Variants in CYRIB observed in about 807,000 individuals in gnomAD.
CYRIB encodes CYFIP related Rac1 interactor B, also known as CYFIP-related Rac1 interactor B.
Under a neutral mutation model 44.2 loss-of-function variants are expected in CYRIB, and 8 were observed. The ratio of observed to expected loss-of-function variants is 0.18; its 90% CI spans 0.11 to 0.33. The LOEUF (loss-of-function observed/expected upper bound fraction) is 0.33. CYRIB is among the 10% of genes least tolerant of loss of function. The probability of loss-of-function intolerance (pLI) is 1.00; values close to 1 mark genes in which losing one functional copy is unlikely to be tolerated. For missense variants in CYRIB, 185 were observed against 382.8 expected, an observed-to-expected ratio of 0.48 and a Z score of 4.31; for synonymous variants, 131 against 127.2, an observed-to-expected ratio of 1.03 and a Z score of -0.20.
chr8:130,013,397 C>T (rs868800942), intron 1 of CYRIB, among the ~76,000 whole-genome samples: 1 of 152,158 alleles, frequency 6.6e-6, no homozygotes, highest in South Asian at 2.1e-4. Context: ...GGGAGACCAA[C>T]GGGGATTCTT....
chr8:129,981,428 G>T (rs538330382), intron 1 of CYRIB, among the ~76,000 whole-genome samples: 28 of 152,328 alleles, frequency 1.8e-4, no homozygotes, highest in Middle Eastern at 6.8e-3. Context: ...TGTGATTACA[G>T]GTGTGAGCCA....
chr8:130,013,777 A>AACC (rs2134635520), intron 1 of CYRIB, among the ~76,000 whole-genome samples: 1 of 152,302 alleles, frequency 6.6e-6, no homozygotes, highest in Non-Finnish European at 1.5e-5. Context: ...CATAGGGAGG[A>AACC]ACCACGGGAC....
chr8:129,858,453 T>C (rs933435737), intron 5 of CYRIB, among the ~76,000 whole-genome samples: 2 of 152,050 alleles, frequency 1.3e-5, no homozygotes, highest in African/African-American at 4.8e-5. Context: ...GACAAATCAG[T>C]CCACAAGCTA....
chr8:129,924,480 A>G (rs140420937), intron 1 of CYRIB, among the ~76,000 whole-genome samples: 15 of 152,226 alleles, frequency 9.9e-5, no homozygotes, highest in Admixed American at 5.2e-4. Context: ...TAATTTTTTT[A>G]TTAGAAAAAC....
chr8:129,952,232 A>G (rs2094541886), intron 2 of CYRIB, among the ~76,000 whole-genome samples: 1 of 151,918 alleles, frequency 6.6e-6, no homozygotes, highest in African/African-American at 2.4e-5. Flanking sequence ...TTTAGTAGAG[A>G]TGGGGTTTAG....
At chr8:129,890,960 A>G (rs2065130476) in intron 2 of CYRIB, among the ~76,000 whole-genome samples, 1 of 152,188 alleles carries the variant, frequency 6.6e-6, no homozygotes, top group African/African-American at 2.4e-5. Context: ...GAAAGCAAGC[A>G]ATGTCACCAA....
In CYRIB at chr8:129,894,660, A is replaced by C. The variant is rs905542804; in HGVS notation, c.-11+8652T>G. 3.9e-5 allele frequency: 6 copies of C among 152,150 alleles called. 1 individual carries two copies. Among genetic ancestry groups the C allele is most frequent in the Admixed American group, 3.9e-4 (6 of 15,278 alleles). The allele number at this position is 152,150 out of a possible 1,614,324, so 9.4% of individuals were successfully genotyped here. ...AGTGTGAATAGTATCCAATACCCTA[A>C]TTAGGGACAGGTGCAGCCTGTAGGT... On this transcript the variant is annotated intron_variant, in intron 2 of 11. Transcript: ENST00000519824.
At chr8:129,956,220 A>G (rs2094822335) in intron 2 of CYRIB, among the ~76,000 whole-genome samples, 2 of 152,278 alleles carry the variant, frequency 1.3e-5, no homozygotes, top group Non-Finnish European at 2.9e-5. Flanking sequence ...GCCAGTAAAT[A>G]ATAATGATGG....
Position 130,004,210 on chromosome 8 carries a change from T to C in CYRIB, c.-296+12160A>G, listed in dbSNP as rs150690348. On this transcript the variant is annotated intron_variant, in intron 1 of 14. Transcript: ENST00000401979. ...CTGGGTATCAAGACAACTTAGCACA[T>C]TCCGAAGATGCCCTCAGTGCATCAA... Among the ~76,000 whole-genome samples the C allele has an allele frequency of 5.6e-3, 846 of 152,250 alleles. 5 individuals are homozygous for C. The highest frequency in any genetic ancestry group is 0.01 in the Admixed American group (160 of 15,286).
At chr8:129,960,861 A>C (rs951258267) in intron 2 of CYRIB, among the ~76,000 whole-genome samples, 1 of 143,424 alleles carries the variant, frequency 7.0e-6, no homozygotes, top group Non-Finnish European at 1.5e-5. Context: ...GAAGCAGGAG[A>C]ATTGCTTGAA....
intron 5 of CYRIB, among the ~76,000 whole-genome samples, chr8:129,856,899 C>T (rs1007405495): frequency 2.6e-5 from 4 of 152,166 alleles, no homozygotes; most frequent in East Asian, 1.9e-4. Context: ...CAACATTGTA[C>T]GTAGCCTCTG....
rs1038847506 is a variant in CYRIB, at chr8:129,998,216, C to G, written c.-296+18154G>C. Among the ~76,000 whole-genome samples, 13 of 152,172 alleles carry G rather than the reference C, an allele frequency of 8.5e-5. No individual in the cohort carries two copies. In the East Asian group the frequency reaches 2.1e-3, roughly 25 times the overall value. The stretch of plus-strand genomic sequence containing the variant: ...CATCGCAGGACCTCAGTGTCCACAT[C>G]TGGCCACTGCACCAGATACTGGCTA... On this transcript the variant is annotated intron_variant, in intron 1 of 14. Transcript: ENST00000401979.
At chr8:129,886,985 A>G (rs1295006066) in intron 2 of CYRIB, among the ~76,000 whole-genome samples, 5 of 151,748 alleles carry the variant, frequency 3.3e-5, no homozygotes, top group African/African-American at 4.9e-5. Flanking sequence ...TCACTAACAC[A>G]CTCAAAATAA....
chr8:129,852,900 G>T (rs996281379), intron 7 of CYRIB, among the ~76,000 whole-genome samples: 1 of 152,148 alleles, frequency 6.6e-6, no homozygotes, highest in Non-Finnish European at 1.5e-5. Flanking sequence ...TGTGGAATGG[G>T]GAGCCATTCA....
At chr8:129,894,000 A>T (rs2066681428) in intron 2 of CYRIB, among the ~76,000 whole-genome samples, 1 of 152,232 alleles carries the variant, frequency 6.6e-6, no homozygotes, top group African/African-American at 2.4e-5. Flanking sequence ...AATAGTTTTT[A>T]AAAATTATTA....
rs149888669 is a variant in CYRIB at position 129,854,623 on chromosome 8, A to G, written c.439-280T>C. On this transcript the variant is annotated intron_variant, in intron 6 of 11. Transcript: ENST00000519824. ...GTTTATCAAATAAACAAAAACAAAAAGGACTGTTTAGGCACTTGTTTTTAG... is the reference window on the plus strand; with the variant it reads ...GTTTATCAAATAAACAAAAACAAAAGGGACTGTTTAGGCACTTGTTTTTAG... Among the ~76,000 whole-genome samples the G allele has an allele frequency of 9.0e-3, 1,377 of 152,326 alleles. 18 individuals carry two copies. The highest frequency in any genetic ancestry group is 0.031 in the African/African-American group (1,305 of 41,574).
At chr8:129,907,303 T>C (rs2075905211) in intron 1 of CYRIB, among the ~76,000 whole-genome samples, 1 of 152,118 alleles carries the variant, frequency 6.6e-6, no homozygotes, top group Non-Finnish European at 1.5e-5. Flanking sequence ...TGTAGGGACA[T>C]GGATGAAGCT....
upstream of CYRIB, chr8:130,016,532 C>T (rs2097352624): frequency 6.3e-6 from 1 of 157,902 alleles, no homozygotes; most frequent in Non-Finnish European, 1.4e-5. Context: ...GCAGCAGCAG[C>T]CCGGGCGAGT....
chr8:129,849,507 T>C (rs995109438), intron 9 of CYRIB, 138 bp from the exon 12 acceptor site: 31 of 726,310 alleles, frequency 4.3e-5, no homozygotes, highest in Non-Finnish European at 6.3e-5. Flanking sequence ...TGTTCACAAG[T>C]AGCCACACTG....
Sources: gnomAD v4.1 joint callset for allele counts (sites outside exome capture counted in the v4.1 genomes callset) on GRCh38, gnomAD v4.1.1 for gene constraint, MANE v1.5 for transcripts, NCBI Gene and HGNC (gene_info 2026-07-23, HGNC 2026-07-21) for gene names.